The following RCC1 variants were observed in gnomAD, a reference collection of about 807,000 sequenced individuals.
RCC1 encodes the protein regulator of chromosome condensation.
Under a neutral mutation model 44.4 loss-of-function variants are expected in RCC1, and 11 were observed. That is an observed-to-expected ratio of 0.25 (90% CI 0.16 to 0.41). RCC1 has a LOEUF of 0.41. Among genes scored for constraint, RCC1 ranks in the 10% least tolerant of loss-of-function variants. RCC1 has a pLI of 1.00. For synonymous variants in RCC1, 213 were observed against 216.5 expected (o/e 0.98, Z 0.14); for missense variants, 386 against 547.1 (o/e 0.71, Z 2.94).
rs1663719214 is a variant in RCC1, at chr1:28,527,159, G to A, written c.-9-2699G>A. On this transcript the variant is annotated intron_variant, in intron 4 of 12. Coordinates refer to ENST00000683442, the MANE Select transcript of RCC1 (RefSeq NM_001381865.2). ...GCCTGAGGGCTGCAGTGGCAGAAAT[G>A]CCCCCAAGGAATGGCACTCACATGC... is the stretch of plus-strand genomic sequence containing the variant. The A allele has an allele frequency of 5.5e-6, 7 of 1,262,960 alleles. No individual in the cohort carries two copies. The East Asian group carries it at 1.7e-4, about 31-fold the overall frequency. The allele number at this position is 1,262,960 out of a possible 1,614,324, so 78.2% of individuals were successfully genotyped here.
chr1:28,526,494 C>A, intron 4 of RCC1: 1 of 578,754 alleles, frequency 1.7e-6, no homozygotes. Context: ...GGCAAGACGG[C>A]TAAAGTGGGA....
At chr1:28,528,058 G>C (rs188351513) in intron 4 of RCC1, among the ~76,000 whole-genome samples, 1 of 150,646 alleles carries the variant, frequency 6.6e-6, no homozygotes, top group Non-Finnish European at 1.5e-5. Context: ...AGTGGCTCAC[G>C]CCTGTAATCC....
At chr1:28,534,681 G>A (rs562919158) in intron 7 of RCC1, among the ~76,000 whole-genome samples, 11 of 152,172 alleles carry the variant, frequency 7.2e-5, no homozygotes, top group South Asian at 2.1e-4. Context: ...GGGTTTCACC[G>A]TGTTGCCCAA....
rs1664569859 is a variant in RCC1 at position 28,536,623 on chromosome 1, C to A, written c.938-124C>A. The A allele has an allele frequency of 1.6e-6, 2 of 1,255,076 alleles. No homozygotes were observed. Among genetic ancestry groups the A allele is most frequent in the Non-Finnish European group, 2.2e-6 (2 of 893,624 alleles). The allele number at this position is 1,255,076 out of a possible 1,614,324, so 77.7% of individuals were successfully genotyped here. On this transcript the variant is annotated intron_variant, in intron 11 of 12. Coordinates refer to ENST00000683442, the MANE Select transcript of RCC1 (RefSeq NM_001381865.2). This position sits in a 1 kb window ranked among gnomAD's most constrained non-coding sequence, Gnocchi z 4.9. ...AAAACTGGGAAGAGACACTGCAGATCTCCTTCTGATCGCTCTGGGAGCAGG... is the reference window on the plus strand; with the variant it reads ...AAAACTGGGAAGAGACACTGCAGATATCCTTCTGATCGCTCTGGGAGCAGG...
At chr1:28,519,800 T>G (rs1386376424) in intron 4 of RCC1, among the ~76,000 whole-genome samples, 2 of 151,850 alleles carry the variant, frequency 1.3e-5, no homozygotes, top group Admixed American at 1.3e-4. Context: ...CTTGAACTCC[T>G]GACCTCAGGT....
At chr1:28,529,356 G>A (rs995848872) in intron 4 of RCC1, among the ~76,000 whole-genome samples, 2 of 149,558 alleles carry the variant, frequency 1.3e-5, no homozygotes, top group Admixed American at 6.7e-5. Context: ...GCTAATTTTT[G>A]TATTTTTAGT....
rs1005666713 is a variant in RCC1, at chr1:28,538,089, G to A, written c.*82G>A. 33 of 1,339,386 alleles carry A rather than the reference G, an allele frequency of 2.5e-5. 1 individual carries two copies. In the South Asian group the frequency reaches 3.0e-4, roughly 12 times the overall value. 83.0% of individuals were successfully genotyped at this position (1,339,386 alleles called of 1,614,324 possible). A position where few individuals can be genotyped will look rare whatever the true frequency, so the allele number is the denominator to read the frequency against. On this transcript the variant is annotated 3_prime_UTR_variant, in exon 13 of 13. Transcript: ENST00000683442. ...AGCAGTGACAGCTGCAGATGGCAGC[G>A]GGCCTCTCCCCAGCCCTGAGCACTG...
chr1:28,508,115 T>A lies in RCC1; in HGVS notation c.-261-13T>A. 1 of 443,250 alleles carries A rather than the reference T, an allele frequency of 2.3e-6. No homozygotes were observed. The highest frequency in any genetic ancestry group is 4.6e-6 in the Non-Finnish European group (1 of 217,776). 27.5% of individuals were successfully genotyped at this position (443,250 alleles called of 1,614,324 possible). A position where few individuals can be genotyped will look rare whatever the true frequency, so the allele number is the denominator to read the frequency against. On this transcript the variant is annotated splice_polypyrimidine_tract_variant and intron_variant, in intron 1 of 12. Transcript: ENST00000683442. ...GTTTTGCTGTACTAATAGATTAATATCTTGTTTTGCAGGATTTGTTAAGGA... is the reference window on the plus strand; with the variant it reads ...GTTTTGCTGTACTAATAGATTAATAACTTGTTTTGCAGGATTTGTTAAGGA...
chr1:28,531,509 C>G (rs1306110464), intron 5 of RCC1, among the ~76,000 whole-genome samples: 1 of 152,018 alleles, frequency 6.6e-6, no homozygotes, highest in Non-Finnish European at 1.5e-5. Context: ...GCCACCGCAC[C>G]CAGCCCTTCT....
chr1:28,521,532 C>A (rs929067953), intron 4 of RCC1, among the ~76,000 whole-genome samples: 2 of 150,620 alleles, frequency 1.3e-5, no homozygotes, highest in Non-Finnish European at 3.0e-5. Flanking sequence ...AAGAAGGTGG[C>A]CCTCCATCCC....
At chr1:28,512,431 T>G (rs562228529) in intron 3 of RCC1, among the ~76,000 whole-genome samples, 40 of 149,634 alleles carry the variant, frequency 2.7e-4, no homozygotes, top group Non-Finnish European at 1.6e-4. Context: ...GTAAACTCAG[T>G]ACTTATTCTT....
rs755631774 is a variant in RCC1, at chr1:28,531,834, C to T, written c.105C>T (p.Gly35=). ...ACAGGTCCCACAGCACAGAACCCGGCTTGGTGCTGACACTAGGCCAGGGCG... is the reference window on the plus strand; with the variant it reads ...ACAGGTCCCACAGCACAGAACCCGGTTTGGTGCTGACACTAGGCCAGGGCG... ...VSHRSHSTEP[G]LVLTLGQGDV... Residue 35 remains glycine, a synonymous_variant, in exon 6 of 13, where the codon GGC becomes GGT. Transcript: ENST00000683442. 7 of 1,567,438 alleles carry T rather than the reference C, an allele frequency of 4.5e-6. No homozygotes were observed. Among genetic ancestry groups the T allele is most frequent in the Non-Finnish European group, 6.0e-6 (7 of 1,160,588 alleles).
At chr1:28,507,365 T>C (rs1260327106) in intron 1 of RCC1, 1 of 519,162 alleles carries the variant, frequency 1.9e-6, no homozygotes, top group Admixed American at 1.9e-5. Context: ...ACACTGATTG[T>C]CCAACGTGGA....
intron 1 of RCC1, chr1:28,507,434 C>T: frequency 1.9e-6 from 1 of 519,062 alleles, no homozygotes; most frequent in Admixed American, 1.9e-5. Context: ...GAGCATAGGG[C>T]TCTGCCCCAT....
Position 28,536,793 on chromosome 1 carries a change from T to C in RCC1, c.984T>C (p.Leu328=), listed in dbSNP as rs1664583498. ...LGRAEYGRLG[L]GEGAEEKSIP... ...GGGCTGAGTATGGGCGGCTGGGCCT[T>C]GGAGAGGGTGCTGAGGAGAAGAGCA... The change falls in exon 12 of 13, where the codon CTT becomes CTC. Residue 328 remains leucine (L), a synonymous_variant. Transcript: ENST00000683442. This position sits in a 1 kb window ranked among gnomAD's most constrained non-coding sequence, Gnocchi z 4.9. The C allele has an allele frequency of 1.9e-6, 3 of 1,614,104 alleles. No individual in the cohort carries two copies. Among genetic ancestry groups the C allele is most frequent in the Non-Finnish European group, 2.5e-6 (3 of 1,180,020 alleles).
intron 7 of RCC1, among the ~76,000 whole-genome samples, chr1:28,534,416 C>T (rs1438792551): frequency 1.3e-5 from 2 of 151,756 alleles, no homozygotes; most frequent in Non-Finnish European, 2.9e-5. Context: ...CTCCTGACCT[C>T]GTGATCGCCC....
chr1:28,507,621 T>C (rs771356455), intron 1 of RCC1: 3 of 417,452 alleles, frequency 7.2e-6, no homozygotes, highest in African/African-American at 3.0e-5. Context: ...TTTTTTTTTT[T>C]GGAGATGGAG....
intron 5 of RCC1, chr1:28,530,393 C>A: frequency 1.4e-6 from 1 of 729,916 alleles, no homozygotes; most frequent in Non-Finnish European, 2.3e-6. Context: ...GGCCTGGCAG[C>A]ATTTGAGGGA....
chr1:28,531,875 G>C lies in RCC1; in HGVS notation c.146G>C (p.Gly49Ala). 6.2e-7 allele frequency: 1 copy of C among 1,605,436 alleles called. No homozygotes were observed. Among genetic ancestry groups the C allele is most frequent in the Non-Finnish European group, 8.5e-7 (1 of 1,175,822 alleles). The change falls in exon 6 of 13, where the codon GGG (glycine) becomes GCG (alanine). Residue 49 changes from glycine (G) to alanine (A), a missense_variant. Coordinates refer to ENST00000683442, the MANE Select transcript of RCC1 (RefSeq NM_001381865.2). ...GGCCAGGGCGACGTGGGCCAGCTGG[G>C]GCTGGGTGAGAATGTGATGGAGAGG... ...TLGQGDVGQL[G>A]LGENVMERKK... is the part of the protein sequence containing the mutation.
Sources: allele counts gnomAD v4.1 joint callset (sites outside exome capture counted in the v4.1 genomes callset), GRCh38; gene constraint gnomAD v4.1.1; non-coding constraint Gnocchi (gnomAD v3.1); transcripts MANE v1.5; gene names NCBI Gene and HGNC (gene_info 2026-07-23, HGNC 2026-07-21).